FAM83E: variants seen among roughly 807,000 people sequenced by gnomAD.
FAM83E encodes scaffolding CK1 anchoring protein E, also known as protein FAM83E.
A neutral mutation model predicts 34.3 loss-of-function variants in FAM83E; 29 were observed. The observed-to-expected ratio is 0.85, with a 90% CI of 0.63 to 1.15. The LOEUF is 1.15. FAM83E is among the 50% of genes most tolerant of loss of function. The probability of loss-of-function intolerance (pLI) is 0.00; values close to 1 mark genes in which losing one functional copy is unlikely to be tolerated. For missense variants in FAM83E, 697 were observed against 685.0 expected, an observed-to-expected ratio of 1.02 and a Z score of -0.20; for synonymous variants, 312 against 311.6, an observed-to-expected ratio of 1.00 and a Z score of -0.01.
At position 48,614,724 on chromosome 19, in the gene FAM83E, C is replaced by T. The variant is rs1394712104; in HGVS notation, c.-1272G>A. ...GGGGCTCACCCACACCGGCTAGTGCCGGGCTCAATGGCCTCCCTTCCAGTG... is the reference window on the plus strand; with the variant it reads ...GGGGCTCACCCACACCGGCTAGTGCTGGGCTCAATGGCCTCCCTTCCAGTG... On this transcript the variant is annotated 5_prime_UTR_variant, in exon 2 of 7. Coordinates refer to ENST00000263266, the MANE Select transcript of FAM83E (RefSeq NM_017708.4). The T allele has an allele frequency of 9.1e-6, 9 of 984,596 alleles. No individual in the cohort carries two copies. Among genetic ancestry groups the T allele is most frequent in the East Asian group, 1.1e-4 (1 of 8,706 alleles). The allele number at this position is 984,596 out of a possible 1,614,324, so 61.0% of individuals were successfully genotyped here.
chr19:48,609,874 A>C lies in FAM83E; in HGVS notation c.758+2T>G. On this transcript the variant is annotated splice_donor_variant, in intron 5 of 6. Transcript: ENST00000263266. LOFTEE classifies it high-confidence loss of function. ...AGGTGGGGGGCGGGGCGGGGGCTAC[A>C]CCTGTAGGATCCTGAGATGACCCTC... 6.2e-7 allele frequency: 1 copy of C among 1,612,268 alleles called. No individual in the cohort carries two copies. The highest frequency in any genetic ancestry group is 8.5e-7 in the Non-Finnish European group (1 of 1,179,760).
rs1347385204 is a variant in FAM83E at position 48,611,172 on chromosome 19, TG to T, written c.466-326del. ...TTTTGTTGTTGTTGTTGTTTTTTGT[TG>T]TTTTTTTTTTTTTGAGACGGAGTCT... On this transcript the variant is annotated intron_variant, in intron 3 of 6. Transcript: ENST00000263266. Among the ~76,000 whole-genome samples, 594 of 151,168 alleles carry T rather than the reference TG, an allele frequency of 3.9e-3. 8 individuals carry two copies. Among genetic ancestry groups the T allele is most frequent in the Middle Eastern group, 0.01 (3 of 294 alleles).
chr19:48,602,752 T>TATATATAG (rs1973849110), intron 6 of FAM83E, among the ~76,000 whole-genome samples: 1 of 100,556 alleles, frequency 9.9e-6, no homozygotes, highest in Admixed American at 1.2e-4. Context: ...TATATATATA[T>TATATATAG]AGCTTTCTTT....
chr19:48,606,249 T>C (rs1263785113), intron 5 of FAM83E, among the ~76,000 whole-genome samples: 1 of 152,144 alleles, frequency 6.6e-6, no homozygotes, highest in Non-Finnish European at 1.5e-5. Flanking sequence ...AAGCAGAAGC[T>C]GCAGTGAGCT....
Position 48,609,905 on chromosome 19 carries a change from G to A in FAM83E, c.729C>T (p.Asp243=), listed in dbSNP as rs767085673. 26 of 1,612,800 alleles carry A rather than the reference G, an allele frequency of 1.6e-5. No individual in the cohort carries two copies. The highest frequency in any genetic ancestry group is 8.9e-5 in the East Asian group (4 of 44,884). Residue 243 remains aspartate (D), a synonymous_variant, in exon 5 of 7, where the codon GAC becomes GAT. Transcript: ENST00000263266. ...GTVREKFVLL[D]GERVISGSYS... ...AGGATCCTGAGATGACCCTCTCGCC[G>A]TCCAGCAGCACAAACTTCTCCCGCA...
chr19:48,603,597 T>C lies in FAM83E; in HGVS notation c.1073A>G (p.Gln358Arg). The C allele has an allele frequency of 6.5e-7, 1 of 1,528,556 alleles. No individual in the cohort carries two copies. The highest frequency in any genetic ancestry group is 8.7e-7 in the Non-Finnish European group (1 of 1,146,812). 94.7% of individuals were successfully genotyped at this position (1,528,556 alleles called of 1,614,324 possible). The change falls in exon 6 of 7, where the codon CAG becomes CGG. Residue 358 changes from glutamine (Q) to arginine (R), a missense_variant. Transcript: ENST00000263266. ...GGGGCCGCTGGGGGTCCGGGCGCGC[T>C]GCACACTCCTTAGAATGTCACTGAG... Reference protein sequence around the residue: ...PALSDILRSVQRARTPSGPPA... With the variant: ...PALSDILRSVRRARTPSGPPA...
At chr19:48,611,141 T>C (rs1248826001) in intron 3 of FAM83E, among the ~76,000 whole-genome samples, 1 of 149,038 alleles carries the variant, frequency 6.7e-6, no homozygotes, top group Non-Finnish European at 1.5e-5. Context: ...GCTTGTTTTT[T>C]TGTGTTTTTG....
chr19:48,605,847 G>A (rs987186129), intron 5 of FAM83E, among the ~76,000 whole-genome samples: 10 of 151,676 alleles, frequency 6.6e-5, no homozygotes, highest in East Asian at 3.9e-4. Flanking sequence ...CACTGCGCCC[G>A]GCCAATTTTT....
Position 48,610,682 on chromosome 19 carries a change from C to T in FAM83E, c.631G>A (p.Glu211Lys), listed in dbSNP as rs1308974947. Residue 211 changes from glutamate to lysine, a missense_variant and splice_region_variant, in exon 4 of 7, where the codon GAG becomes AAG. Transcript: ENST00000263266. ...QQLGVNPWNT[E>K]NVDVRVVRGC... ...GGACCCCCTGGCCCGGCCCCTACCT[C>T]CGTGTTCCAGGGGTTCACCCCCAGC... 2.6e-6 allele frequency: 4 copies of T among 1,565,310 alleles called. No homozygotes were observed. Among genetic ancestry groups the T allele is most frequent in the Non-Finnish European group, 3.5e-6 (4 of 1,155,348 alleles).
chr19:48,604,796 C>A (rs1165457811), intron 5 of FAM83E, among the ~76,000 whole-genome samples: 5 of 148,536 alleles, frequency 3.4e-5, no homozygotes, highest in African/African-American at 1.2e-4. Context: ...CTGAGGCGGG[C>A]AGATCATGAG....
chr19:48,606,589 C>T (rs79917837), intron 5 of FAM83E, among the ~76,000 whole-genome samples: 7 of 152,296 alleles, frequency 4.6e-5, no homozygotes, highest in Non-Finnish European at 5.9e-5. Flanking sequence ...GGGTTCAGGG[C>T]GTCTTCACCT....
chr19:48,603,249 A>G (rs1973862403), intron 6 of FAM83E, among the ~76,000 whole-genome samples: 2 of 152,076 alleles, frequency 1.3e-5, no homozygotes, highest in Admixed American at 6.6e-5. Flanking sequence ...CTAGTCTGTC[A>G]TGCCAGGATT....
At chr19:48,611,157 G>C (rs1012107434) in intron 3 of FAM83E, among the ~76,000 whole-genome samples, 2 of 150,638 alleles carry the variant, frequency 1.3e-5, no homozygotes, top group African/African-American at 4.9e-5. Flanking sequence ...TTTTGTTGTT[G>C]TTGTTGTTTT....
chr19:48,601,130 T>G lies in FAM83E; in HGVS notation c.1416A>C (p.Ala472=), dbSNP rs372018939. Residue 472 remains alanine, a synonymous_variant, in exon 7 of 7, where the codon GCA becomes GCC. Coordinates refer to ENST00000263266, the MANE Select transcript of FAM83E (RefSeq NM_017708.4). Reference sequence around the variant, plus strand: ...CTGTTCAGGGTTGCCCCCCAAGTCCTGCCCGGGGGGCCCAGTCTGACGGCC... The same window carrying G: ...CTGTTCAGGGTTGCCCCCCAAGTCCGGCCCGGGGGGCCCAGTCTGACGGCC... ...GVRPSDWAPR[A]GLGGQP is the part of the protein sequence containing the mutation. 1 of 1,612,522 alleles carries G rather than the reference T, an allele frequency of 6.2e-7. No individual in the cohort carries two copies. Among genetic ancestry groups the G allele is most frequent in the Non-Finnish European group, 8.5e-7 (1 of 1,179,624 alleles).
rs1283428267 is a variant in FAM83E at position 48,613,857 on chromosome 19, C to T, written c.-485G>A. ...TTGATCATTTCCAGGCGGCAAGCTG[C>T]CTGCCTGTCTCTAATCACCCAAAGG... On this transcript the variant is annotated 5_prime_UTR_variant, in exon 3 of 7. Coordinates refer to ENST00000263266, the MANE Select transcript of FAM83E (RefSeq NM_017708.4). The T allele has an allele frequency of 8.1e-6, 8 of 985,252 alleles. No homozygotes were observed. The highest frequency in any genetic ancestry group is 9.6e-6 in the Non-Finnish European group (8 of 829,898). The allele number at this position is 985,252 out of a possible 1,614,324, so 61.0% of individuals were successfully genotyped here. A position where few individuals can be genotyped will look rare whatever the true frequency, so the allele number is the denominator to read the frequency against.
Position 48,613,076 on chromosome 19 carries a change from G to C in FAM83E, c.297C>G (p.Ser99Arg). The change falls in exon 3 of 7, where the codon AGC becomes AGG. Residue 99 changes from serine (S) to arginine (R), a missense_variant. Physicochemically the swap from Ser to Arg is moderately radical, Grantham distance 110. Transcript: ENST00000263266. ...TTTDVDAGSL[S>R]YWPGQSEQPA... The stretch of plus-strand genomic sequence containing the variant: ...GCTGCTCCGACTGCCCAGGCCAGTA[G>C]CTCAGGCTGCCCGCGTCCACATCGG... The C allele has an allele frequency of 6.2e-7, 1 of 1,608,050 alleles. No individual in the cohort carries two copies. The highest frequency in any genetic ancestry group is 8.5e-7 in the Non-Finnish European group (1 of 1,178,234).
rs1974030135 is a variant in FAM83E, at chr19:48,610,894, CAG to C, written c.466-49_466-48del. ...GTGGGCTTGTGAACGGAAGCTGGCT[CAG>C]GGGACACTCAGAGGGTGTGGGAAAC... On this transcript the variant is annotated intron_variant, in intron 3 of 6. Coordinates refer to ENST00000263266, the MANE Select transcript of FAM83E (RefSeq NM_017708.4). 3 of 1,549,984 alleles carry C rather than the reference CAG, an allele frequency of 1.9e-6. No individual in the cohort carries two copies. In the Admixed American group the frequency reaches 5.8e-5, roughly 30 times the overall value.
Position 48,607,965 on chromosome 19 carries a change from C to T in FAM83E, c.758+1911G>A, listed in dbSNP as rs145994328. 5.1e-3 allele frequency among the ~76,000 whole-genome samples: 777 copies of T among 152,268 alleles called. 8 individuals are homozygous for T. The highest frequency in any genetic ancestry group is 0.018 in the African/African-American group (752 of 41,542). On this transcript the variant is annotated intron_variant, in intron 5 of 6. Transcript: ENST00000263266. ...CACTCTTTCAAACATTTCAAACATC[C>T]TGGTCTCAACTCCAATCATTCTCAA...
At position 48,609,911 on chromosome 19, in the gene FAM83E, C is replaced by T. The variant is rs141803504; in HGVS notation, c.723G>A (p.Leu241=). Residue 241 remains leucine, a synonymous_variant, in exon 5 of 7, where the codon CTG becomes CTA. Transcript: ENST00000263266. The stretch of plus-strand genomic sequence containing the variant: ...CTGAGATGACCCTCTCGCCGTCCAG[C>T]AGCACAAACTTCTCCCGCACGGTGC... ...VSGTVREKFV[L]LDGERVISGS... 2.8e-3 allele frequency: 4,477 copies of T among 1,613,030 alleles called. 21 individuals are homozygous for T. The highest frequency in any genetic ancestry group is 3.4e-3 in the Non-Finnish European group (4,008 of 1,179,950).
Sources: gnomAD v4.1 joint callset for allele counts (sites outside exome capture counted in the v4.1 genomes callset) on GRCh38, gnomAD v4.1.1 for gene constraint, MANE v1.5 for transcripts, NCBI Gene and HGNC (gene_info 2026-07-23, HGNC 2026-07-21) for gene names.